The following LMTK3 variants were observed in gnomAD, a reference collection of about 807,000 sequenced individuals.
The protein encoded by LMTK3 is lemur tail kinase 3.
Under a neutral mutation model 116.7 loss-of-function variants are expected in LMTK3, and 27 were observed. The ratio of observed to expected loss-of-function variants is 0.23; its 90% CI spans 0.17 to 0.32. The LOEUF (loss-of-function observed/expected upper bound fraction) is 0.32, where lower values mean the gene tolerates loss of function less well. Among genes scored for constraint, LMTK3 ranks in the 10% least tolerant of loss-of-function variants. The pLI is 1.00. For missense variants in LMTK3, 1,764 were observed against 2,068.5 expected, an observed-to-expected ratio of 0.85 and a Z score of 2.86; for synonymous variants, 965 against 971.0, an observed-to-expected ratio of 0.99 and a Z score of 0.11.
rs1972278545 is a variant in LMTK3 at position 48,493,964 on chromosome 19, C to T, written c.3822G>A (p.Ala1274=). 6.7e-6 allele frequency: 7 copies of T among 1,043,026 alleles called. No homozygotes were observed. Among genetic ancestry groups the T allele is most frequent in the Non-Finnish European group, 6.9e-6 (6 of 870,822 alleles). 64.6% of individuals were successfully genotyped at this position (1,043,026 alleles called of 1,614,324 possible). ...EAGGAGAPGP[A]EEDGEDEDED... is the part of the protein sequence containing the mutation. Reference sequence around the variant, plus strand: ...CGTCCTCGTCCTCCCCGTCCTCCTCCGCCGGCCCCGGCGCTCCCGCCCCGC... The same window carrying T: ...CGTCCTCGTCCTCCCCGTCCTCCTCTGCCGGCCCCGGCGCTCCCGCCCCGC... Residue 1274 remains alanine (A), a synonymous_variant, in exon 12 of 15, where the codon GCG becomes GCA. Transcript: ENST00000600059.
At chr19:48,488,813 C>T (rs1464686964) in intron 14 of LMTK3, among the ~76,000 whole-genome samples, 1 of 150,392 alleles carries the variant, frequency 6.6e-6, no homozygotes, top group Non-Finnish European at 1.5e-5. Flanking sequence ...GATCTCGGCT[C>T]ACCGCAACCT....
At chr19:48,490,560 G>GCTAGGATT (rs1292348994) in intron 14 of LMTK3, among the ~76,000 whole-genome samples, 4 of 151,164 alleles carry the variant, frequency 2.6e-5, no homozygotes, top group African/African-American at 9.7e-5. Flanking sequence ...TGAGGACGAG[G>GCTAGGATT]CTAGAATCCA....
rs745484726 is a variant in LMTK3 at position 48,485,761 on chromosome 19, G to A, written c.*12C>T. The A allele has an allele frequency of 5.0e-6, 8 of 1,610,544 alleles. No homozygotes were observed. The highest frequency in any genetic ancestry group is 1.7e-5 in the Admixed American group (1 of 59,474). On this transcript the variant is annotated 3_prime_UTR_variant, in exon 15 of 15. Transcript: ENST00000600059. ...TCTTCTGAGGGTGCAGCGGGGTCGG[G>A]TCTTCGGGGAATCAATTCTCCACGG...
At chr19:48,486,249 C>CG (rs1489192397) in intron 14 of LMTK3, among the ~76,000 whole-genome samples, 1 of 149,962 alleles carries the variant, frequency 6.7e-6, no homozygotes, top group Non-Finnish European at 1.5e-5. Flanking sequence ...TTAGTAGAGA[C>CG]GGGGTTTCAC....
chr19:48,505,860 T>TAAA (rs760562019), intron 5 of LMTK3, among the ~76,000 whole-genome samples: 3 of 93,182 alleles, frequency 3.2e-5, no homozygotes, highest in African/African-American at 8.4e-5. Flanking sequence ...AAACTCTGTC[T>TAAA]AAAAAAAAAA....
In LMTK3 at chr19:48,498,500, C is replaced by A; in HGVS notation, c.2569G>T (p.Val857Leu). The change falls in exon 11 of 15, where the codon GTG becomes TTG. Residue 857 changes from valine (V) to leucine (L), a missense_variant. Physicochemically the swap from Val to Leu is conservative, Grantham distance 32. This residue lies in a region of LMTK3 where 1,028 missense variants were observed against 1,050.6 expected (regional missense o/e 0.98). Coordinates refer to ENST00000600059, the MANE Select transcript of LMTK3 (RefSeq NM_001388485.1). ...PREKPTFVVQ[V>L]STEQLLMSLR... ...GACATCAGCAGCTGTTCCGTGCTCA[C>A]TTGAACCACGAAGGTCGGCTTCTCC... 1 of 1,594,280 alleles carries A rather than the reference C, an allele frequency of 6.3e-7. No individual in the cohort carries two copies. The highest frequency in any genetic ancestry group is 8.5e-7 in the Non-Finnish European group (1 of 1,170,222).
intron 5 of LMTK3, among the ~76,000 whole-genome samples, chr19:48,505,403 C>T (rs930600015): frequency 6.6e-6 from 1 of 152,178 alleles, no homozygotes; most frequent in South Asian, 2.1e-4. Flanking sequence ...TGTGAGCCAC[C>T]ACGCCCAGCT....
chr19:48,497,912 C>G lies in LMTK3; in HGVS notation c.3157G>C (p.Glu1053Gln). 1.3e-6 allele frequency: 2 copies of G among 1,515,706 alleles called. No individual in the cohort carries two copies. The highest frequency in any genetic ancestry group is 1.8e-6 in the Non-Finnish European group (2 of 1,137,452). The allele number at this position is 1,515,706 out of a possible 1,614,324, so 93.9% of individuals were successfully genotyped here. A position where few individuals can be genotyped will look rare whatever the true frequency, so the allele number is the denominator to read the frequency against. The change falls in exon 11 of 15, where the codon GAG becomes CAG. Residue 1053 changes from glutamate to glutamine, a missense_variant. By Grantham distance (29) the Glu-to-Gln change is conservative. Around this residue, in one of 7 missense-constraint regions of LMTK3, gnomAD observed 1,028 missense variants for 1,050.6 expected, o/e 0.98. Coordinates refer to ENST00000600059, the MANE Select transcript of LMTK3 (RefSeq NM_001388485.1). The surrounding 1 kb of genome is among the most constrained non-coding windows in gnomAD (Gnocchi z 5.7). Reference protein sequence around the residue: ...IGEPAPETSLERAPAPSAVVS... With the variant: ...IGEPAPETSLQRAPAPSAVVS... ...ACTGCGCTGGGTGCAGGGGCTCTCT[C>G]CAGAGAGGTCTCTGGGGCTGGCTCC...
Position 48,499,654 on chromosome 19 carries a change from C to T in LMTK3, c.1415G>A (p.Ser472Asn). The T allele has an allele frequency of 6.5e-7, 1 of 1,541,282 alleles. No individual in the cohort carries two copies. Among genetic ancestry groups the T allele is most frequent in the Non-Finnish European group, 8.8e-7 (1 of 1,142,696 alleles). The change falls in exon 11 of 15, where the codon AGC (serine) becomes AAC (asparagine). Residue 472 changes from serine (S) to asparagine (N), a missense_variant. Around this residue, in one of 7 missense-constraint regions of LMTK3, gnomAD observed 16 missense variants for 36.7 expected, o/e 0.44. Coordinates refer to ENST00000600059, the MANE Select transcript of LMTK3 (RefSeq NM_001388485.1). ...PDDVLTVTES[S>N]RGLNLECLWE... is the part of the protein sequence containing the mutation. ...CAGGCACTCGAGGTTGAGGCCGCGGCTACTCTCGGTGACCGTGAGCACATC... is the reference window on the plus strand; with the variant it reads ...CAGGCACTCGAGGTTGAGGCCGCGGTTACTCTCGGTGACCGTGAGCACATC...
In LMTK3 at chr19:48,487,312, T is replaced by C. The variant is rs182861408; in HGVS notation, c.4367-1523A>G. On this transcript the variant is annotated intron_variant, in intron 14 of 14. Coordinates refer to ENST00000600059, the MANE Select transcript of LMTK3 (RefSeq NM_001388485.1). ...CCTCCCAAAGTACTGGGATTACAAGTGTGAGCCACGCGCCCAGCCCACCTG... is the reference window on the plus strand; with the variant it reads ...CCTCCCAAAGTACTGGGATTACAAGCGTGAGCCACGCGCCCAGCCCACCTG... Among the ~76,000 whole-genome samples the C allele has an allele frequency of 2.4e-3, 371 of 152,180 alleles. 3 individuals carry two copies. The highest frequency in any genetic ancestry group is 8.4e-3 in the African/African-American group (349 of 41,536).
chr19:48,501,967 C>A (rs1046631711), intron 7 of LMTK3, among the ~76,000 whole-genome samples: 1 of 122,312 alleles, frequency 8.2e-6, no homozygotes, highest in Non-Finnish European at 1.8e-5. Flanking sequence ...CCCTGCCCCC[C>A]TCCCCTGGCT....
rs1972298254 is a variant in LMTK3 at position 48,494,849 on chromosome 19, A to G, written c.3677-740T>C. On this transcript the variant is annotated intron_variant, in intron 11 of 14. Coordinates refer to ENST00000600059, the MANE Select transcript of LMTK3 (RefSeq NM_001388485.1). This position sits in a 1 kb window ranked among gnomAD's most constrained non-coding sequence, Gnocchi z 4.0. ...CTTTTGCTATTCTCTAAACATGGTGAGCCAGTGCACATCTCAGTGCCCTCT... is the reference window on the plus strand; with the variant it reads ...CTTTTGCTATTCTCTAAACATGGTGGGCCAGTGCACATCTCAGTGCCCTCT... 6.6e-6 allele frequency among the ~76,000 whole-genome samples: 1 copy of G among 152,130 alleles called. No individual in the cohort carries two copies. The highest frequency in any genetic ancestry group is 2.4e-5 in the African/African-American group (1 of 41,412).
chr19:48,500,405 C>G lies in LMTK3; in HGVS notation c.1152-488G>C, dbSNP rs562800577. Among the ~76,000 whole-genome samples the G allele has an allele frequency of 6.8e-6, 1 of 146,728 alleles. No individual in the cohort carries two copies. Among genetic ancestry groups the G allele is most frequent in the Non-Finnish European group, 1.5e-5 (1 of 67,014 alleles). On this transcript the variant is annotated intron_variant, in intron 10 of 14. Coordinates refer to ENST00000600059, the MANE Select transcript of LMTK3 (RefSeq NM_001388485.1). This position sits in a 1 kb window ranked among gnomAD's most constrained non-coding sequence, Gnocchi z 4.0. ...TGCCATCGCACTCCAGCCTGGGCAA[C>G]AAAAGCAAAAATCTGCCAAAAAAAA...
At position 48,498,840 on chromosome 19, in the gene LMTK3, C is replaced by T. The variant is rs1379644182; in HGVS notation, c.2229G>A (p.Gln743=). ...LDPLMGAAAP[Q]YPGRGPPPAP... ...CGGGAGGTGGCCCCCGCCCGGGGTA[C>T]TGGGGCGCCGCCGCCCCCATGAGGG... Residue 743 remains glutamine (Q), a synonymous_variant, in exon 11 of 15, where the codon CAG becomes CAA. Transcript: ENST00000600059. The T allele has an allele frequency of 3.1e-5, 37 of 1,207,482 alleles. No individual in the cohort carries two copies. Among genetic ancestry groups the T allele is most frequent in the Non-Finnish European group, 3.7e-5 (35 of 950,444 alleles). 74.8% of individuals were successfully genotyped at this position (1,207,482 alleles called of 1,614,324 possible). A position where few individuals can be genotyped will look rare whatever the true frequency, so the allele number is the denominator to read the frequency against.
intron 12 of LMTK3, among the ~76,000 whole-genome samples, chr19:48,492,847 G>A (rs1972249502): frequency 6.6e-6 from 1 of 151,930 alleles, no homozygotes; most frequent in Non-Finnish European, 1.5e-5. Context: ...TCGCCCTCTA[G>A]ACCACGCCCC....
chr19:48,496,675 C>T (rs902224938), intron 11 of LMTK3, among the ~76,000 whole-genome samples: 15 of 152,192 alleles, frequency 9.9e-5, no homozygotes, highest in African/African-American at 3.6e-4. Flanking sequence ...TCTCAAACTC[C>T]TGACCTCAAG....
Position 48,485,555 on chromosome 19 carries a change from G to A in LMTK3, c.*218C>T. 1.8e-6 allele frequency: 1 copy of A among 567,844 alleles called. No homozygotes were observed. The allele number at this position is 567,844 out of a possible 1,614,324, so 35.2% of individuals were successfully genotyped here. A position where few individuals can be genotyped will look rare whatever the true frequency, so the allele number is the denominator to read the frequency against. On this transcript the variant is annotated 3_prime_UTR_variant, in exon 15 of 15. Coordinates refer to ENST00000600059, the MANE Select transcript of LMTK3 (RefSeq NM_001388485.1). The stretch of plus-strand genomic sequence containing the variant: ...GATTCCTGCCTCATTTGGCTCCGAG[G>A]GGGTCAGGGGGGTCAGGGGAGCCAT...
chr19:48,494,624 C>T lies in LMTK3; in HGVS notation c.3677-515G>A, dbSNP rs1299242863. ...GATTACAGGCATGAGCCACCACACC[C>T]GGCCAGATCCACCTCTCTGAGCCTC... On this transcript the variant is annotated intron_variant, in intron 11 of 14. Coordinates refer to ENST00000600059, the MANE Select transcript of LMTK3 (RefSeq NM_001388485.1). This position sits in a 1 kb window ranked among gnomAD's most constrained non-coding sequence, Gnocchi z 4.0. Among the ~76,000 whole-genome samples the T allele has an allele frequency of 1.3e-5, 2 of 152,152 alleles. No homozygotes were observed. The highest frequency in any genetic ancestry group is 1.9e-4 in the East Asian group (1 of 5,180).
chr19:48,501,587 A>T, intron 7 of LMTK3, 25 bp from the exon 8 acceptor site: 1 of 1,584,414 alleles, frequency 6.3e-7, no homozygotes, highest in Non-Finnish European at 8.6e-7. Flanking sequence ...CGAGGAGGTG[A>T]GCGCAGGGGC....
Sources: gnomAD v4.1 joint callset for allele counts (sites outside exome capture counted in the v4.1 genomes callset) on GRCh38, gnomAD v4.1.1 for gene constraint, gnomAD v4.1.1 regional missense constraint, Gnocchi (gnomAD v3.1) non-coding constraint, MANE v1.5 for transcripts, NCBI Gene and HGNC (gene_info 2026-07-23, HGNC 2026-07-21) for gene names.